MEF2A: variants seen among roughly 807,000 people sequenced by gnomAD.
MEF2A encodes the protein myocyte enhancer factor 2A, also known as myocyte-specific enhancer factor 2A.
MEF2A carries 28 observed loss-of-function variants against 55.8 expected under a neutral mutation model. That is an observed-to-expected ratio of 0.50 (90% confidence interval 0.37 to 0.69). The LOEUF is 0.69. Ranked by LOEUF, MEF2A falls within the 30% of genes least tolerant of loss-of-function variation. MEF2A has a pLI of 0.00. For missense variants in MEF2A, 528 were observed against 626.2 expected (o/e 0.84, Z 1.67); for synonymous variants, 239 against 227.1 (o/e 1.05, Z -0.47).
At chr15:99,609,052 G>T (rs534165949) in intron 2 of MEF2A, among the ~76,000 whole-genome samples, 7 of 152,274 alleles carry the variant, frequency 4.6e-5, no homozygotes, top group African/African-American at 1.7e-4. Flanking sequence ...GTTGGAAAAG[G>T]CCCCTCTGAT....
At chr15:99,704,272 A>G (rs1340306990) in intron 9 of MEF2A, among the ~76,000 whole-genome samples, 2 of 152,178 alleles carry the variant, frequency 1.3e-5, no homozygotes, top group Non-Finnish European at 2.9e-5. Flanking sequence ...CTTTTCAAAG[A>G]AGGTTATCTG....
At chr15:99,574,734 G>A (rs1317618807) in intron 1 of MEF2A, among the ~76,000 whole-genome samples, 2 of 152,148 alleles carry the variant, frequency 1.3e-5, no homozygotes, top group African/African-American at 2.4e-5. Flanking sequence ...CTGGCATGCC[G>A]CTCATCTCTT....
intron 2 of MEF2A, among the ~76,000 whole-genome samples, chr15:99,632,132 G>T (rs926082125): frequency 7.9e-5 from 12 of 152,062 alleles, no homozygotes; most frequent in African/African-American, 2.9e-4. Flanking sequence ...AGAATAAATG[G>T]AATAAAAAAC....
intron 4 of MEF2A, among the ~76,000 whole-genome samples, chr15:99,658,262 T>G (rs184402861): frequency 3.9e-5 from 6 of 152,218 alleles, no homozygotes; most frequent in Admixed American, 3.9e-4. Flanking sequence ...ATGAAATACT[T>G]CAAGATGTGA....
At chr15:99,651,042 CA>C (rs1567327250) in intron 4 of MEF2A, among the ~76,000 whole-genome samples, 1 of 152,138 alleles carries the variant, frequency 6.6e-6, no homozygotes, top group African/African-American at 2.4e-5. Context: ...AAACAAAGAG[CA>C]AGCACAAACT....
chr15:99,709,679 G>A (rs1023631632), intron 10 of MEF2A, among the ~76,000 whole-genome samples: 3 of 152,222 alleles, frequency 2.0e-5, no homozygotes, highest in Admixed American at 2.0e-4. Flanking sequence ...CCTCTCTTTG[G>A]AACCAAGTGA....
chr15:99,615,130 G>A (rs2039983062), intron 2 of MEF2A, among the ~76,000 whole-genome samples: 2 of 152,202 alleles, frequency 1.3e-5, no homozygotes. Flanking sequence ...GGCTGGTACA[G>A]AAAAGGAACA....
chr15:99,653,395 A>G (rs978694264), intron 4 of MEF2A, among the ~76,000 whole-genome samples: 3 of 152,226 alleles, frequency 2.0e-5, no homozygotes, highest in Non-Finnish European at 2.9e-5. Flanking sequence ...ACCTTCTTGC[A>G]TAGATTAGTC....
At chr15:99,623,582 C>T (rs1038926123) in intron 2 of MEF2A, among the ~76,000 whole-genome samples, 1 of 152,130 alleles carries the variant, frequency 6.6e-6, no homozygotes, top group African/African-American at 2.4e-5. Flanking sequence ...TTCTTAATAG[C>T]CATTTGAATG....
chr15:99,600,464 G>A (rs1235983777), intron 2 of MEF2A, among the ~76,000 whole-genome samples: 1 of 152,144 alleles, frequency 6.6e-6, no homozygotes, highest in African/African-American at 2.4e-5. Flanking sequence ...TGCTGCAGTA[G>A]AAATTGAAGG....
chr15:99,580,850 A>G (rs1244117902), intron 1 of MEF2A, among the ~76,000 whole-genome samples: 1 of 152,058 alleles, frequency 6.6e-6, no homozygotes, highest in Non-Finnish European at 1.5e-5. Context: ...CTCTTTATAT[A>G]TTTATTCTAC....
intron 4 of MEF2A, among the ~76,000 whole-genome samples, chr15:99,651,014 A>C (rs1315354073): frequency 1.3e-5 from 2 of 152,246 alleles, no homozygotes; most frequent in East Asian, 3.8e-4. Flanking sequence ...CCCCAAGAAT[A>C]TCCCCTGAAA....
intron 8 of MEF2A, among the ~76,000 whole-genome samples, chr15:99,694,298 A>G (rs2056054959): frequency 6.6e-6 from 1 of 152,204 alleles, no homozygotes; most frequent in South Asian, 2.1e-4. Flanking sequence ...TAGAATTAAG[A>G]TGCCGTTTTC....
chr15:99,586,189 A>T (rs986039259), intron 1 of MEF2A, among the ~76,000 whole-genome samples: 2 of 152,162 alleles, frequency 1.3e-5, no homozygotes, highest in African/African-American at 4.8e-5. Context: ...GGTGAATATT[A>T]TACCAAAGAG....
At chr15:99,702,241 A>C (rs2057479260) in intron 8 of MEF2A, among the ~76,000 whole-genome samples, 1 of 152,200 alleles carries the variant, frequency 6.6e-6, no homozygotes, top group Non-Finnish European at 1.5e-5. Flanking sequence ...CCTACTTTAC[A>C]CACACCATTT....
In MEF2A at chr15:99,713,418, GAGAAT is replaced by G. The variant is rs1238033083; in HGVS notation, c.*652_*656del. The G allele has an allele frequency of 1.2e-5, 2 of 165,778 alleles. No individual in the cohort carries two copies. Among genetic ancestry groups the G allele is most frequent in the African/African-American group, 4.8e-5 (2 of 42,030 alleles). 10.3% of individuals were successfully genotyped at this position (165,778 alleles called of 1,614,324 possible). ...AAGTGATCTTTAGCTAATAAAGAAA[GAGAAT>G]AGAAAACACGCATGAGATATTCAGA... On this transcript the variant is annotated 3_prime_UTR_variant, in exon 12 of 12. Transcript: ENST00000557942.
intron 3 of MEF2A, among the ~76,000 whole-genome samples, chr15:99,636,388 C>T (rs1344549641): frequency 2.6e-5 from 4 of 152,010 alleles, no homozygotes; most frequent in Admixed American, 2.6e-4. Flanking sequence ...GCTGTGATGC[C>T]CAGGCTGGAG....
At position 99,712,400 on chromosome 15, in the gene MEF2A, C is replaced by A. The variant is rs763506462; in HGVS notation, c.1147C>A (p.Gln383Lys). ...TTTTTTTTCCTTCAGTGCTGGAGGG[C>A]AGTTATCTCAGGGTTCCAATTTATC... is the stretch of plus-strand genomic sequence containing the variant. ...AALSSLVAGG[Q>K]LSQGSNLSIN... The change falls in exon 12 of 12, where the codon CAG becomes AAG. Residue 383 changes from glutamine to lysine, a missense_variant. Physicochemically the swap from Gln to Lys is moderately conservative, Grantham distance 53 (BLOSUM62 1). Transcript: ENST00000557942. This position sits in a 1 kb window ranked among gnomAD's most constrained non-coding sequence, Gnocchi z 4.1. 1.3e-6 allele frequency: 2 copies of A among 1,535,814 alleles called. No individual in the cohort carries two copies. Among genetic ancestry groups the A allele is most frequent in the Non-Finnish European group, 1.8e-6 (2 of 1,135,186 alleles).
chr15:99,638,336 A>G (rs1355723670), intron 3 of MEF2A, among the ~76,000 whole-genome samples: 4 of 151,890 alleles, frequency 2.6e-5, no homozygotes, highest in South Asian at 2.1e-4. Flanking sequence ...TTGTTAATAT[A>G]CATTTTTACT....
Sources: allele counts gnomAD v4.1 joint callset (sites outside exome capture counted in the v4.1 genomes callset), GRCh38; gene constraint gnomAD v4.1.1; non-coding constraint Gnocchi (gnomAD v3.1); transcripts MANE v1.5; gene names NCBI Gene and HGNC (gene_info 2026-07-23, HGNC 2026-07-21).